FGFR3: variants seen among roughly 807,000 people sequenced by gnomAD.
FGFR3 encodes the protein fibroblast growth factor receptor 3.
FGFR3 carries 25 observed loss-of-function variants against 82.9 expected under a neutral mutation model. The ratio of observed to expected loss-of-function variants is 0.30; its 90% CI spans 0.22 to 0.42. The LOEUF (loss-of-function observed/expected upper bound fraction) is 0.42. Among genes scored for constraint, FGFR3 ranks in the 10% least tolerant of loss-of-function variants. The probability of loss-of-function intolerance (pLI) is 1.00; values close to 1 mark genes in which losing one functional copy is unlikely to be tolerated. For missense variants in FGFR3, 1,026 were observed against 1,161.0 expected, an observed-to-expected ratio of 0.88 and a Z score of 1.69; for synonymous variants, 620 against 516.0, an observed-to-expected ratio of 1.20 and a Z score of -2.73.
chr4:1,793,918 C>T lies in FGFR3; in HGVS notation c.-17C>T, dbSNP rs1720143610. The T allele has an allele frequency of 6.7e-6, 8 of 1,200,126 alleles. No individual in the cohort carries two copies. The highest frequency in any genetic ancestry group is 2.9e-5 in the South Asian group (1 of 34,944). 74.3% of individuals were successfully genotyped at this position (1,200,126 alleles called of 1,614,324 possible). On this transcript the variant is annotated 5_prime_UTR_variant, in exon 2 of 18. Transcript: ENST00000440486. ...CCGCGCGCGCTGCCTGAGGACGCCG[C>T]GGCCCCCGCCCCCGCCATGGGCGCC... is the stretch of plus-strand genomic sequence containing the variant.
chr4:1,795,605 G>A (rs1410059692), intron 2 of FGFR3, among the ~76,000 whole-genome samples: 1 of 152,254 alleles, frequency 6.6e-6, no homozygotes, highest in Non-Finnish European at 1.5e-5. Flanking sequence ...AAATTATGGA[G>A]CCTTGGCTCG....
chr4:1,800,600 G>C lies in FGFR3; in HGVS notation c.446-767G>C, dbSNP rs372312402. On this transcript the variant is annotated intron_variant, in intron 4 of 17. Coordinates refer to ENST00000440486, the MANE Select transcript of FGFR3 (RefSeq NM_000142.5). Reference sequence around the variant, plus strand: ...GGGAGGGAGCTCAGCACCGTGGGGTGCCTCTTTCCAGCCTGTGTCCACACT... The same window carrying C: ...GGGAGGGAGCTCAGCACCGTGGGGTCCCTCTTTCCAGCCTGTGTCCACACT... 7.2e-5 allele frequency among the ~76,000 whole-genome samples: 11 copies of C among 152,120 alleles called. No individual in the cohort carries two copies. In the East Asian group the frequency reaches 7.7e-4, roughly 11 times the overall value.
Position 1,807,173 on chromosome 4 carries a change from C to T in FGFR3, c.2332C>T (p.Pro778Ser). 2 of 1,603,518 alleles carry T rather than the reference C, an allele frequency of 1.2e-6. No individual in the cohort carries two copies. Among genetic ancestry groups the T allele is most frequent in the Non-Finnish European group, 1.7e-6 (2 of 1,175,782 alleles). ...GTACTCCCCGGGTGGCCAGGACACCCCCAGCTCCAGCTCCTCAGGGGACGA... is the reference window on the plus strand; with the variant it reads ...GTACTCCCCGGGTGGCCAGGACACCTCCAGCTCCAGCTCCTCAGGGGACGA... ...EQYSPGGQDTPSSSSSGDDSV... is the reference protein window; with the variant it reads ...EQYSPGGQDTSSSSSSGDDSV... The change falls in exon 18 of 18, where the codon CCC (proline) becomes TCC (serine). Residue 778 changes from proline to serine, a missense_variant. By Grantham distance (74) the Pro-to-Ser change is moderately conservative (BLOSUM62 -1). Transcript: ENST00000440486.
chr4:1,800,790 T>C lies in FGFR3; in HGVS notation c.446-577T>C, dbSNP rs555670199. Among the ~76,000 whole-genome samples the C allele has an allele frequency of 4.7e-4, 71 of 152,248 alleles. 1 individual carries two copies. The highest frequency in any genetic ancestry group is 2.9e-3 in the South Asian group (14 of 4,826). ...AGCCCTGAGGAAGGAGAAAAACCAG[T>C]TGGGCTGTGAGAGGGGTGGTGGGAG... On this transcript the variant is annotated intron_variant, in intron 4 of 17. Coordinates refer to ENST00000440486, the MANE Select transcript of FGFR3 (RefSeq NM_000142.5).
Position 1,806,259 on chromosome 4 carries a change from C to G in FGFR3, c.1962C>G (p.Gly654=), listed in dbSNP as rs1338753060. 7 of 1,613,042 alleles carry G rather than the reference C, an allele frequency of 4.3e-6. No individual in the cohort carries two copies. The highest frequency in any genetic ancestry group is 4.2e-6 in the Non-Finnish European group (5 of 1,179,960). The change falls in exon 15 of 18, where the codon GGC becomes GGG. Residue 654 remains glycine (G), a splice_region_variant and synonymous_variant. Coordinates refer to ENST00000440486, the MANE Select transcript of FGFR3 (RefSeq NM_000142.5). ...NLDYYKKTTN[G]RLPVKWMAPE... Reference sequence around the variant, plus strand: ...ACCGCCTTCCCACACCCTCCCAGGGCCGGCTGCCCGTGAAGTGGATGGCGC... The same window carrying G: ...ACCGCCTTCCCACACCCTCCCAGGGGCGGCTGCCCGTGAAGTGGATGGCGC...
rs1399826020 is a variant in FGFR3, at chr4:1,806,888, A to T, written c.2228A>T (p.Gln743Leu). The T allele has an allele frequency of 6.2e-7, 1 of 1,611,776 alleles. No individual in the cohort carries two copies. The highest frequency in any genetic ancestry group is 8.5e-7 in the Non-Finnish European group (1 of 1,179,588). The change falls in exon 17 of 18, where the codon CAG becomes CTG. Residue 743 changes from glutamine (Q) to leucine (L), a missense_variant. This residue lies in a region of FGFR3 where 155 missense variants were observed against 150.2 expected (regional missense o/e 1.03). Transcript: ENST00000440486. ...AAPSQRPTFK[Q>L]LVEDLDRVLT... is the part of the protein sequence containing the mutation. Reference sequence around the variant, plus strand: ...CCCTCCCAGAGGCCCACCTTCAAGCAGCTGGTGGAGGACCTGGACCGTGTC... The same window carrying T: ...CCCTCCCAGAGGCCCACCTTCAAGCTGCTGGTGGAGGACCTGGACCGTGTC...
Position 1,804,974 on chromosome 4 carries a change from G to C in FGFR3, c.1412+5G>C. 6.5e-7 allele frequency: 1 copy of C among 1,547,240 alleles called. No individual in the cohort carries two copies. The highest frequency in any genetic ancestry group is 2.4e-5 in the East Asian group (1 of 41,198). On this transcript the variant is annotated splice_donor_5th_base_variant and intron_variant, in intron 10 of 17. Transcript: ENST00000440486. Reference sequence around the variant, plus strand: ...ATGGGAGCTGTCTCGGGCCCGGTCAGTGGTGCTGAGGGCCAGCGTTGGCTG... The same window carrying C: ...ATGGGAGCTGTCTCGGGCCCGGTCACTGGTGCTGAGGGCCAGCGTTGGCTG...
chr4:1,803,128 C>T (rs564871862), intron 7 of FGFR3: 2 of 1,434,242 alleles, frequency 1.4e-6, no homozygotes, highest in African/African-American at 3.0e-5. Context: ...GGCCGCGCGC[C>T]CTGCACGCCC....
rs2108814788 is a variant in FGFR3, at chr4:1,806,905, G to C, written c.2245G>C (p.Asp749His). ...CTTCAAGCAGCTGGTGGAGGACCTGGACCGTGTCCTTACCGTGACGTCCAC... is the reference window on the plus strand; with the variant it reads ...CTTCAAGCAGCTGGTGGAGGACCTGCACCGTGTCCTTACCGTGACGTCCAC... Reference protein sequence around the residue: ...PTFKQLVEDLDRVLTVTSTDE... With the variant: ...PTFKQLVEDLHRVLTVTSTDE... The change falls in exon 17 of 18, where the codon GAC becomes CAC. Residue 749 changes from aspartate to histidine, a missense_variant. Coordinates refer to ENST00000440486, the MANE Select transcript of FGFR3 (RefSeq NM_000142.5). 1 of 1,611,080 alleles carries C rather than the reference G, an allele frequency of 6.2e-7. No homozygotes were observed. The highest frequency in any genetic ancestry group is 8.5e-7 in the Non-Finnish European group (1 of 1,179,346).
rs753009006 is a variant in FGFR3, at chr4:1,806,714, C to T, written c.2168+31C>T. The T allele has an allele frequency of 1.9e-6, 3 of 1,610,526 alleles. No homozygotes were observed. The African/African-American group carries it at 4.0e-5, about 22-fold the overall frequency. ...TGGCATCCCTGGCCCTCCACTGGGT[C>T]CTCAGGGGTGGGGGTCCCTCCGGGG... On this transcript the variant is annotated intron_variant, in intron 16 of 17. Coordinates refer to ENST00000440486, the MANE Select transcript of FGFR3 (RefSeq NM_000142.5).
intron 7 of FGFR3, chr4:1,803,101 T>A: frequency 6.6e-7 from 1 of 1,521,344 alleles, no homozygotes; most frequent in Non-Finnish European, 8.8e-7. Context: ...GCACAAGAGC[T>A]CCAGCTCCAA....
In FGFR3 at chr4:1,799,388, G is replaced by C. The variant is rs1365111379; in HGVS notation, c.244G>C (p.Val82Leu). The C allele has an allele frequency of 1.2e-6, 2 of 1,612,392 alleles. No homozygotes were observed. The highest frequency in any genetic ancestry group is 2.2e-5 in the East Asian group (1 of 44,896). ...TVWVKDGTGL[V>L]PSERVLVGPQ... ...CTGGGTCAAGGATGGCACAGGGCTGGTGCCCTCGGAGCGTGTCCTGGTGGG... is the reference window on the plus strand; with the variant it reads ...CTGGGTCAAGGATGGCACAGGGCTGCTGCCCTCGGAGCGTGTCCTGGTGGG... The change falls in exon 3 of 18, where the codon GTG (valine) becomes CTG (leucine). Residue 82 changes from valine to leucine, a missense_variant. By Grantham distance (32) the Val-to-Leu change is conservative. Around this residue, in one of 9 missense-constraint regions of FGFR3, gnomAD observed 226 missense variants for 222.0 expected, o/e 1.02. Transcript: ENST00000440486.
At position 1,807,290 on chromosome 4, in the gene FGFR3, G is replaced by C. The variant is rs1461144383; in HGVS notation, c.*28G>C. The C allele has an allele frequency of 2.5e-6, 4 of 1,575,844 alleles. No individual in the cohort carries two copies. Among genetic ancestry groups the C allele is most frequent in the Non-Finnish European group, 3.4e-6 (4 of 1,164,812 alleles). On this transcript the variant is annotated 3_prime_UTR_variant, in exon 18 of 18. Transcript: ENST00000440486. ...GGCCACTGGTCCCCAACAATGTGAG[G>C]GGTCCCTAGCAGCCCACCCTGCTGC...
chr4:1,803,924 C>T, intron 8 of FGFR3, 88 bp downstream of exon 8: 2 of 1,400,934 alleles, frequency 1.4e-6, no homozygotes. Context: ...GGACGGGAAT[C>T]CTGTGACTTA....
Position 1,805,638 on chromosome 4 carries a change from C to A in FGFR3, c.1614C>A (p.Ile538=), listed in dbSNP as rs1211533350. The A allele has an allele frequency of 2.5e-6, 4 of 1,613,154 alleles. No individual in the cohort carries two copies. Among genetic ancestry groups the A allele is most frequent in the Middle Eastern group, 1.6e-4 (1 of 6,084 alleles). The change falls in exon 12 of 18, where the codon ATC becomes ATA. Residue 538 remains isoleucine (I), a synonymous_variant. Coordinates refer to ENST00000440486, the MANE Select transcript of FGFR3 (RefSeq NM_000142.5). ...MMKMIGKHKN[I]INLLGACTQG... ...AGATGATCGGGAAACACAAAAACAT[C>A]ATCAACCTGCTGGGCGCCTGCACGC...
At chr4:1,798,615 C>T (rs1363773105) in intron 2 of FGFR3, among the ~76,000 whole-genome samples, 2 of 151,758 alleles carry the variant, frequency 1.3e-5, no homozygotes, top group African/African-American at 2.4e-5. Context: ...AGACCGTCCA[C>T]ACGGCCACGT....
Position 1,807,340 on chromosome 4 carries a change from G to T in FGFR3, c.*78G>T, listed in dbSNP as rs982664976. 3 of 1,525,052 alleles carry T rather than the reference G, an allele frequency of 2.0e-6. No homozygotes were observed. Among genetic ancestry groups the T allele is most frequent in the Non-Finnish European group, 2.6e-6 (3 of 1,134,558 alleles). The allele number at this position is 1,525,052 out of a possible 1,614,324, so 94.5% of individuals were successfully genotyped here. ...CTGGTGCACAGCCACTCCCCGGCAT[G>T]AGACTCAGTGCAGATGGAGAGACAG... On this transcript the variant is annotated 3_prime_UTR_variant, in exon 18 of 18. Coordinates refer to ENST00000440486, the MANE Select transcript of FGFR3 (RefSeq NM_000142.5).
intron 13 of FGFR3, 39 bp downstream of exon 13, chr4:1,805,979 C>T (rs780997592): frequency 1.2e-6 from 2 of 1,610,190 alleles, no homozygotes; most frequent in Non-Finnish European, 1.7e-6. Flanking sequence ...TAGGCTGGGC[C>T]CTGCCCTGAG....
intron 4 of FGFR3, among the ~76,000 whole-genome samples, 200 bp downstream of exon 4, chr4:1,800,012 G>A (rs1423827811): frequency 1.3e-5 from 2 of 152,172 alleles, no homozygotes; most frequent in African/African-American, 2.4e-5. Context: ...TGGCAGGGCT[G>A]GGGTGCAAGG....
Sources: gnomAD v4.1 joint callset for allele counts (sites outside exome capture counted in the v4.1 genomes callset) on GRCh38, gnomAD v4.1.1 for gene constraint, gnomAD v4.1.1 regional missense constraint, MANE v1.5 for transcripts, NCBI Gene and HGNC (gene_info 2026-07-23, HGNC 2026-07-21) for gene names.